SPPL2B: variants seen among roughly 807,000 people sequenced by gnomAD.
SPPL2B encodes the protein signal peptide peptidase-like 2B.
Under a neutral mutation model 59.7 loss-of-function variants are expected in SPPL2B, and 39 were observed. That is an observed-to-expected ratio of 0.65 (90% CI 0.51 to 0.85). The LOEUF (loss-of-function observed/expected upper bound fraction) is 0.85, where lower values mean the gene tolerates loss of function less well. Ranked by LOEUF, SPPL2B falls within the 40% of genes least tolerant of loss-of-function variation. The probability of loss-of-function intolerance (pLI) is 0.00; values close to 1 mark genes in which losing one functional copy is unlikely to be tolerated. For synonymous variants in SPPL2B, 419 were observed against 370.8 expected (o/e 1.13, Z -1.49); for missense variants, 865 against 849.0 (o/e 1.02, Z -0.23).
chr19:2,330,374 C>T (rs1216678667), intron 1 of SPPL2B: 1 of 151,910 alleles, frequency 6.6e-6, no homozygotes, highest in African/African-American at 2.4e-5. Context: ...TTCGGCCACC[C>T]AAAGTGCTGG....
At chr19:2,350,463 C>T (rs1228763205) in intron 13 of SPPL2B, among the ~76,000 whole-genome samples, 3 of 151,608 alleles carry the variant, frequency 2.0e-5, no homozygotes, top group Non-Finnish European at 4.4e-5. Context: ...CGTTCTCTCT[C>T]TCCACACACA....
At position 2,353,106 on chromosome 19, in the gene SPPL2B, T is replaced by A; in HGVS notation, c.1676T>A (p.Met559Lys). ...CCAAAATCACGCACGTCCGAGGAGA[T>A]GGGGGCTGGAGCCCCCATGCGGGAG... The part of the protein sequence containing the change: ...QSPKSRTSEE[M>K]GAGAPMREPG... The change falls in exon 15 of 15, where the codon ATG becomes AAG. Residue 559 changes from methionine to lysine, a missense_variant. Met to Lys is a moderately conservative substitution (Grantham distance 95, BLOSUM62 -1). Transcript: ENST00000613503. 1 of 1,610,808 alleles carries A rather than the reference T, an allele frequency of 6.2e-7. No homozygotes were observed. The highest frequency in any genetic ancestry group is 1.1e-5 in the South Asian group (1 of 90,946).
At chr19:2,340,320 A>G (rs1968951875) in intron 7 of SPPL2B, 148 bp downstream of exon 7, 1 of 693,004 alleles carries the variant, frequency 1.4e-6, no homozygotes, top group African/African-American at 1.8e-5. Context: ...TCCTAGGCCC[A>G]GGAGCAGGGC....
chr19:2,348,063 C>G (rs1969574874), intron 13 of SPPL2B, among the ~76,000 whole-genome samples: 1 of 86,712 alleles, frequency 1.2e-5, no homozygotes, highest in Non-Finnish European at 2.2e-5. Flanking sequence ...TCGCTTGATT[C>G]CATTCTCTCC....
chr19:2,335,654 C>A (rs1362780703), intron 2 of SPPL2B, among the ~76,000 whole-genome samples: 2 of 136,204 alleles, frequency 1.5e-5, no homozygotes, highest in African/African-American at 2.8e-5. Flanking sequence ...CCTTTCCCAC[C>A]CCATCCCTCA....
intron 13 of SPPL2B, among the ~76,000 whole-genome samples, chr19:2,346,473 C>T (rs994440417): frequency 6.6e-6 from 1 of 152,196 alleles, no homozygotes; most frequent in East Asian, 1.9e-4. Context: ...CAAGACCAGC[C>T]TGGGCAACAT....
rs587718405 is a variant in SPPL2B, at chr19:2,340,161, C to T, written c.828C>T (p.Phe276=). 2.5e-4 allele frequency: 385 copies of T among 1,570,982 alleles called. 6 individuals are homozygous for T. The South Asian group carries it at 4.0e-3, about 16-fold the overall frequency. Reference sequence around the variant, plus strand: ...CGCCCTGTGTGCGGCGGCTGCCCTTCGGCAAGTGCAGGTGAGTCTGCCCTG... The same window carrying T: ...CGCCCTGTGTGCGGCGGCTGCCCTTTGGCAAGTGCAGGTGAGTCTGCCCTG... ...CLAPCVRRLP[F]GKCRIPNNSL... The change falls in exon 7 of 15, where the codon TTC becomes TTT. Residue 276 remains phenylalanine (F), a synonymous_variant. Transcript: ENST00000613503.
rs1184621566 is a variant in SPPL2B, at chr19:2,343,174, G to C, written c.957-37G>C. The C allele has an allele frequency of 2.6e-6, 4 of 1,532,842 alleles. No homozygotes were observed. The African/African-American group carries it at 5.5e-5, about 21-fold the overall frequency. The allele number at this position is 1,532,842 out of a possible 1,614,324, so 95.0% of individuals were successfully genotyped here. On this transcript the variant is annotated intron_variant, in intron 8 of 14. Coordinates refer to ENST00000613503, the MANE Select transcript of SPPL2B (RefSeq NM_152988.3). ...AGGCGGCGTCCTGGGTGGTCAGCCA[G>C]CCTCTGCCCCGGCGAGGATGCTGCT...
intron 8 of SPPL2B, chr19:2,342,390 GC>G (rs1327315469): frequency 1.3e-5 from 2 of 152,308 alleles, no homozygotes; most frequent in Non-Finnish European, 2.9e-5. Context: ...GGGGGCTCAT[GC>G]CTGTAATCCC....
Position 2,353,430 on chromosome 19 carries a change from C to T in SPPL2B, c.*221C>T, listed in dbSNP as rs935892178. On this transcript the variant is annotated 3_prime_UTR_variant, in exon 15 of 15. Coordinates refer to ENST00000613503, the MANE Select transcript of SPPL2B (RefSeq NM_152988.3). ...GCACGCCTGCTGCTCCCAGCTCGCCCGGCTGCCACAAGCTCTCTGCGGGTC... is the reference window on the plus strand; with the variant it reads ...GCACGCCTGCTGCTCCCAGCTCGCCTGGCTGCCACAAGCTCTCTGCGGGTC... 3.1e-5 allele frequency: 18 copies of T among 587,120 alleles called. No individual in the cohort carries two copies. Among genetic ancestry groups the T allele is most frequent in the African/African-American group, 1.6e-4 (8 of 51,090 alleles). 36.4% of individuals were successfully genotyped at this position (587,120 alleles called of 1,614,324 possible). A position where few individuals can be genotyped will look rare whatever the true frequency, so the allele number is the denominator to read the frequency against.
Position 2,344,442 on chromosome 19 carries a change from A to C in SPPL2B, c.1176+18A>C. The stretch of plus-strand genomic sequence containing the variant: ...GTGAGAAGGTGTGTCTTCTGACTGC[A>C]GGGTCTCAGGTTGCCATGGGTCAAG... On this transcript the variant is annotated intron_variant, in intron 11 of 14. Transcript: ENST00000613503. 6.4e-7 allele frequency: 1 copy of C among 1,570,078 alleles called. No individual in the cohort carries two copies. The highest frequency in any genetic ancestry group is 8.6e-7 in the Non-Finnish European group (1 of 1,157,572).
rs1356462198 is a variant in SPPL2B at position 2,332,046 on chromosome 19, A to G, written c.67-2556A>G. Among the ~76,000 whole-genome samples the G allele has an allele frequency of 7.2e-5, 11 of 152,206 alleles. No individual in the cohort carries two copies. Among genetic ancestry groups the G allele is most frequent in the Admixed American group, 1.3e-4 (2 of 15,278 alleles). On this transcript the variant is annotated intron_variant, in intron 1 of 14. Coordinates refer to ENST00000613503, the MANE Select transcript of SPPL2B (RefSeq NM_152988.3). This position sits in a 1 kb window ranked among gnomAD's most constrained non-coding sequence, Gnocchi z 4.6. Reference sequence around the variant, plus strand: ...CGGGGCCAGACTAAGGGGTGCTCTCACGGGCAGGCAGTCTGGTGGGCAGAA... The same window carrying G: ...CGGGGCCAGACTAAGGGGTGCTCTCGCGGGCAGGCAGTCTGGTGGGCAGAA...
At chr19:2,349,894 C>CT (rs1969797424) in intron 13 of SPPL2B, among the ~76,000 whole-genome samples, 2 of 76,422 alleles carry the variant, frequency 2.6e-5, no homozygotes, top group South Asian at 4.7e-4. Context: ...ACACTCGCGC[C>CT]CTCATTCGCT....
At chr19:2,331,730 A>G (rs1191043263) in intron 1 of SPPL2B, among the ~76,000 whole-genome samples, 4 of 152,228 alleles carry the variant, frequency 2.6e-5, no homozygotes, top group Non-Finnish European at 4.4e-5. Flanking sequence ...CCCTGATCCC[A>G]TAGAACAGAG....
rs543579384 is a variant in SPPL2B, at chr19:2,344,261, C to G, written c.1114-101C>G. On this transcript the variant is annotated intron_variant, in intron 10 of 14. Transcript: ENST00000613503. ...TCACCCCCCATCACCCTGCCCCTTG[C>G]ACCCCCCCATCGCATCACCCTGCCC... 137 of 464,266 alleles carry G rather than the reference C, an allele frequency of 3.0e-4. No individual in the cohort carries two copies. The African/African-American group carries it at 3.0e-3, about 10-fold the overall frequency. 28.8% of individuals were successfully genotyped at this position (464,266 alleles called of 1,614,324 possible).
intron 1 of SPPL2B, among the ~76,000 whole-genome samples, chr19:2,329,195 C>T (rs1348888793): frequency 2.6e-5 from 4 of 152,240 alleles, no homozygotes; most frequent in Non-Finnish European, 5.9e-5. Flanking sequence ...AAGCTAACCT[C>T]ACCCTAGGGG....
rs552769943 is a variant in SPPL2B, at chr19:2,353,095, G to A, written c.1665G>A (p.Thr555=). 194 of 1,611,400 alleles carry A rather than the reference G, an allele frequency of 1.2e-4. 1 individual carries two copies. Among genetic ancestry groups the A allele is most frequent in the South Asian group, 1.2e-3 (108 of 90,994 alleles). The change falls in exon 15 of 15, where the codon ACG becomes ACA. Residue 555 remains threonine, a synonymous_variant. Transcript: ENST00000613503. ...WPAEQSPKSR[T]SEEMGAGAPM... The stretch of plus-strand genomic sequence containing the variant: ...CTGAGCAGTCCCCAAAATCACGCAC[G>A]TCCGAGGAGATGGGGGCTGGAGCCC...
chr19:2,347,182 G>A (rs1417356652), intron 13 of SPPL2B, among the ~76,000 whole-genome samples: 253 of 96,148 alleles, frequency 2.6e-3, no homozygotes, highest in African/African-American at 7.3e-3. Context: ...ACACACACGC[G>A]CTCTCATTCG....
At position 2,352,989 on chromosome 19, in the gene SPPL2B, G is replaced by T. The variant is rs1222800810; in HGVS notation, c.1559G>T (p.Gly520Val). ...CCGTGGGCCCCAGCACCAGCCGACG[G>T]CCCGCAGCCTCCCAAAGACTCTGCC... ...PSPWAPAPAD[G>V]PQPPKDSATP... Residue 520 changes from glycine to valine, a missense_variant, in exon 15 of 15, where the codon GGC (glycine) becomes GTC (valine). Coordinates refer to ENST00000613503, the MANE Select transcript of SPPL2B (RefSeq NM_152988.3). 1 of 1,612,158 alleles carries T rather than the reference G, an allele frequency of 6.2e-7. No homozygotes were observed. The highest frequency in any genetic ancestry group is 8.5e-7 in the Non-Finnish European group (1 of 1,179,698).
Sources: allele counts gnomAD v4.1 joint callset (sites outside exome capture counted in the v4.1 genomes callset), GRCh38; gene constraint gnomAD v4.1.1; non-coding constraint Gnocchi (gnomAD v3.1); transcripts MANE v1.5; gene names NCBI Gene and HGNC (gene_info 2026-07-23, HGNC 2026-07-21).